The following FAM228B variants were observed in gnomAD, a reference collection of about 807,000 sequenced individuals.
The protein encoded by FAM228B is protein FAM228B.
In FAM228B, 38 loss-of-function variants were observed where a neutral mutation model predicts 42.6. That is an observed-to-expected ratio of 0.89 (90% confidence interval 0.69 to 1.17). The LOEUF is 1.17. Among genes scored for constraint, FAM228B ranks in the 50% most tolerant of loss-of-function variants. FAM228B has a pLI of 0.00. For synonymous variants in FAM228B, 109 were observed against 122.3 expected (o/e 0.89, Z 0.72); for missense variants, 344 against 367.3 (o/e 0.94, Z 0.52).
At chr2:24,096,143 A>AACCTCT (rs1665493033) in intron 3 of FAM228B, 1 of 152,206 alleles carries the variant, frequency 6.6e-6, no homozygotes, top group Non-Finnish European at 1.5e-5. Flanking sequence ...AACATCAAAG[A>AACCTCT]CCAAAGGTAG....
chr2:24,144,394 C>G (rs1573773086), intron 5 of FAM228B, among the ~76,000 whole-genome samples: 1 of 152,182 alleles, frequency 6.6e-6, no homozygotes, highest in Admixed American at 6.6e-5. Context: ...CCACTGCACT[C>G]CAGCCTGGAC....
chr2:24,147,171 T>C lies in FAM228B; in HGVS notation c.686+85T>C. The C allele has an allele frequency of 3.2e-6, 3 of 949,478 alleles. No homozygotes were observed. The South Asian group carries it at 8.1e-5, about 26-fold the overall frequency. 58.8% of individuals were successfully genotyped at this position (949,478 alleles called of 1,614,324 possible). ...GATATAACATTTTTCATAGTTATGA[T>C]TTTTTAAAATTATCATTTTTCTTTT... On this transcript the variant is annotated intron_variant, in intron 7 of 10. Coordinates refer to ENST00000615575, the MANE Select transcript of FAM228B (RefSeq NM_001145710.2).
chr2:24,143,425 A>G (rs1343957439), intron 5 of FAM228B, among the ~76,000 whole-genome samples: 1 of 152,136 alleles, frequency 6.6e-6, no homozygotes, highest in Non-Finnish European at 1.5e-5. Flanking sequence ...TGATCTCCTG[A>G]CCTCGTGATC....
At chr2:24,082,031 A>G (rs532173241) in intron 2 of FAM228B, among the ~76,000 whole-genome samples, 16 of 147,686 alleles carry the variant, frequency 1.1e-4, no homozygotes, top group African/African-American at 3.0e-4. Flanking sequence ...GTCTCACTCT[A>G]CTGCCCAGGC....
intron 10 of FAM228B, among the ~76,000 whole-genome samples, chr2:24,168,605 A>G (rs878867167): frequency 1.3e-5 from 2 of 152,216 alleles, no homozygotes; most frequent in Admixed American, 1.3e-4. Context: ...CAGAATAAGC[A>G]ATGCTTTTGT....
At chr2:24,108,476 C>A (rs906329311) in intron 3 of FAM228B, among the ~76,000 whole-genome samples, 1 of 152,108 alleles carries the variant, frequency 6.6e-6, no homozygotes, top group Non-Finnish European at 1.5e-5. Flanking sequence ...CAAAACCTGT[C>A]AGAGACACAA....
chr2:24,127,722 G>A (rs1666351342), intron 2 of FAM228B, among the ~76,000 whole-genome samples: 1 of 151,834 alleles, frequency 6.6e-6, no homozygotes, highest in African/African-American at 2.4e-5. Flanking sequence ...CAGTGCAGTG[G>A]CATGATCTCA....
intron 3 of FAM228B, among the ~76,000 whole-genome samples, chr2:24,111,994 G>A (rs1356561547): frequency 6.6e-6 from 1 of 152,004 alleles, no homozygotes; most frequent in African/African-American, 2.4e-5. Flanking sequence ...CAGACCTAAG[G>A]AAATAATCAG....
rs976144685 is a variant in FAM228B at position 24,138,366 on chromosome 2, A to T, written c.360+266A>T. On this transcript the variant is annotated intron_variant, in intron 4 of 10. Coordinates refer to ENST00000615575, the MANE Select transcript of FAM228B (RefSeq NM_001145710.2). ...TTATTATTATTCGAGATGGAGTTTCACTCTTGTCACCCAGACTGGAGTGCA... is the reference window on the plus strand; with the variant it reads ...TTATTATTATTCGAGATGGAGTTTCTCTCTTGTCACCCAGACTGGAGTGCA... 2.0e-5 allele frequency among the ~76,000 whole-genome samples: 3 copies of T among 151,930 alleles called. No individual in the cohort carries two copies. The South Asian group carries it at 6.2e-4, about 32-fold the overall frequency.
At chr2:24,166,729 G>A (rs1299108277) in intron 9 of FAM228B, among the ~76,000 whole-genome samples, 5 of 152,190 alleles carry the variant, frequency 3.3e-5, no homozygotes, top group Non-Finnish European at 7.4e-5. Context: ...AGTGGGGGAC[G>A]AATGAAGAGG....
intron 5 of FAM228B, among the ~76,000 whole-genome samples, chr2:24,142,089 T>C (rs1573771172): frequency 6.6e-6 from 1 of 152,208 alleles, no homozygotes; most frequent in East Asian, 1.9e-4. Flanking sequence ...CCTGGCGCCC[T>C]GCTCTGTACT....
At chr2:24,113,201 C>G (rs150466032) in intron 3 of FAM228B, among the ~76,000 whole-genome samples, 4 of 152,094 alleles carry the variant, frequency 2.6e-5, no homozygotes, top group African/African-American at 9.7e-5. Flanking sequence ...AACAATACAT[C>G]TAAATACACT....
chr2:24,140,025 C>T (rs1321553499), intron 5 of FAM228B, among the ~76,000 whole-genome samples: 1 of 152,192 alleles, frequency 6.6e-6, no homozygotes, highest in African/African-American at 2.4e-5. Flanking sequence ...ATTAACCTTG[C>T]ACTGAAGGAT....
intron 2 of FAM228B, 79 bp from the exon 3 acceptor site, chr2:24,135,040 C>A: frequency 1.1e-6 from 1 of 908,162 alleles, no homozygotes; most frequent in South Asian, 1.6e-5. Context: ...ATATGTCTGT[C>A]ATGCTAAATA....
chr2:24,131,100 C>T (rs1666443300), intron 2 of FAM228B, among the ~76,000 whole-genome samples: 1 of 152,072 alleles, frequency 6.6e-6, no homozygotes, highest in Non-Finnish European at 1.5e-5. Context: ...TTCCCCATTG[C>T]TTGTTTTTGT....
At chr2:24,156,787 C>G (rs188452119) in intron 7 of FAM228B, among the ~76,000 whole-genome samples, 1 of 114,712 alleles carries the variant, frequency 8.7e-6, no homozygotes, top group Non-Finnish European at 1.7e-5. Context: ...CCCCCCCCCC[C>G]AGCTTTTTGT....
chr2:24,131,127 C>T (rs1666443782), intron 2 of FAM228B, among the ~76,000 whole-genome samples: 1 of 152,138 alleles, frequency 6.6e-6, no homozygotes, highest in Admixed American at 6.5e-5. Flanking sequence ...TGTCGAAGAT[C>T]AGATGGTTGT....
At chr2:24,099,244 G>C (rs1021123995) in intron 3 of FAM228B, among the ~76,000 whole-genome samples, 1 of 151,094 alleles carries the variant, frequency 6.6e-6, no homozygotes, top group South Asian at 2.1e-4. Context: ...CCACTCCTAC[G>C]CAACATAGTG....
intron 3 of FAM228B, among the ~76,000 whole-genome samples, chr2:24,109,933 G>A (rs1665762006): frequency 6.6e-6 from 1 of 152,140 alleles, no homozygotes. Flanking sequence ...CCATTACTGG[G>A]TATATACCCA....
Sources: gnomAD v4.1 joint callset for allele counts (sites outside exome capture counted in the v4.1 genomes callset) on GRCh38, gnomAD v4.1.1 for gene constraint, MANE v1.5 for transcripts, NCBI Gene and HGNC (gene_info 2026-07-23, HGNC 2026-07-21) for gene names.